The following SGCZ variants were observed in gnomAD, a reference collection of about 807,000 sequenced individuals.
SGCZ encodes sarcoglycan zeta, also known as zeta-sarcoglycan.
Under a neutral mutation model 41.3 loss-of-function variants are expected in SGCZ, and 40 were observed. The observed-to-expected ratio is 0.97, with a 90% CI of 0.75 to 1.26. The LOEUF (loss-of-function observed/expected upper bound fraction) is 1.26, where lower values mean the gene tolerates loss of function less well. SGCZ is among the 50% of genes most tolerant of loss of function. SGCZ has a pLI of 0.00. For missense variants in SGCZ, 552 were observed against 369.8 expected (o/e 1.49, Z -4.04); for synonymous variants, 206 against 137.5 (o/e 1.50, Z -3.49).
At chr8:14,348,809 T>C (rs1448533262) in intron 2 of SGCZ, among the ~76,000 whole-genome samples, 1 of 152,192 alleles carries the variant, frequency 6.6e-6, no homozygotes, top group Non-Finnish European at 1.5e-5. Flanking sequence ...AGTACTGCTT[T>C]TTCTCAACCA....
chr8:14,934,959 G>C (rs1213300791), intron 1 of SGCZ, among the ~76,000 whole-genome samples: 1 of 146,526 alleles, frequency 6.8e-6, no homozygotes, highest in African/African-American at 2.5e-5. Context: ...CCTCAACTTA[G>C]AGTTATTCAG....
At chr8:14,227,669 T>C (rs899408139) in intron 4 of SGCZ, among the ~76,000 whole-genome samples, 11 of 152,066 alleles carry the variant, frequency 7.2e-5, no homozygotes, top group Admixed American at 1.3e-4. Flanking sequence ...GAGATTTGGG[T>C]AATACTGTTT....
At chr8:14,804,603 T>C (rs1182725618) in intron 1 of SGCZ, among the ~76,000 whole-genome samples, 10 of 144,992 alleles carry the variant, frequency 6.9e-5, no homozygotes, top group Admixed American at 3.5e-4. Flanking sequence ...CTACGTCTGA[T>C]TGGTGTACCT....
chr8:14,626,494 C>T (rs527299093), intron 1 of SGCZ, among the ~76,000 whole-genome samples: 1 of 151,998 alleles, frequency 6.6e-6, no homozygotes, highest in African/African-American at 2.4e-5. Flanking sequence ...AGTTCTAAAC[C>T]CTAGTTCTTC....
intron 3 of SGCZ, among the ~76,000 whole-genome samples, chr8:14,270,658 G>A (rs530777626): frequency 2.0e-4 from 31 of 152,206 alleles, no homozygotes; most frequent in African/African-American, 7.2e-4. Flanking sequence ...AAATGTGAAT[G>A]TATGCAATAC....
chr8:14,944,778 G>T (rs1800386769), intron 1 of SGCZ, among the ~76,000 whole-genome samples: 1 of 152,076 alleles, frequency 6.6e-6, no homozygotes, highest in Admixed American at 6.6e-5. Flanking sequence ...TGGGTTTATT[G>T]AGACTTGACC....
chr8:14,138,398 A>G (rs1417598421), intron 5 of SGCZ, among the ~76,000 whole-genome samples: 1 of 152,178 alleles, frequency 6.6e-6, no homozygotes, highest in Non-Finnish European at 1.5e-5. Context: ...GTCAAACTGG[A>G]TAAAGAGTCA....
chr8:14,595,711 A>C (rs914205432), intron 1 of SGCZ, among the ~76,000 whole-genome samples: 5 of 152,210 alleles, frequency 3.3e-5, no homozygotes, highest in African/African-American at 1.2e-4. Context: ...TGTCCTTGGT[A>C]GAATGCCTTC....
At position 14,608,843 on chromosome 8, in the gene SGCZ, T is replaced by A. The variant is rs191478709; in HGVS notation, c.40-53917A>T. 3.1e-3 allele frequency among the ~76,000 whole-genome samples: 470 copies of A among 152,128 alleles called. 2 individuals are homozygous for A. The highest frequency in any genetic ancestry group is 0.011 in the African/African-American group (439 of 41,506). Reference sequence around the variant, plus strand: ...CGGCAAGTGTATCATTTTAAGCTTTTGAAAAAAAATGACAAAAAAAAGGTC... The same window carrying A: ...CGGCAAGTGTATCATTTTAAGCTTTAGAAAAAAAATGACAAAAAAAAGGTC... On this transcript the variant is annotated intron_variant, in intron 1 of 7. Transcript: ENST00000382080.
chr8:14,520,528 G>C (rs1473243686), intron 2 of SGCZ, among the ~76,000 whole-genome samples: 1 of 152,026 alleles, frequency 6.6e-6, no homozygotes, highest in Non-Finnish European at 1.5e-5. Flanking sequence ...AATTCTGCAA[G>C]GGAAATAATA....
At chr8:14,401,125 T>C (rs1005134343) in intron 2 of SGCZ, among the ~76,000 whole-genome samples, 5 of 152,136 alleles carry the variant, frequency 3.3e-5, no homozygotes, top group Admixed American at 1.3e-4. Context: ...TTTACACTTG[T>C]AACAGGCAAC....
intron 1 of SGCZ, among the ~76,000 whole-genome samples, chr8:15,147,439 C>T (rs1211889634): frequency 2.0e-5 from 3 of 152,190 alleles, no homozygotes; most frequent in Middle Eastern, 3.4e-3. Flanking sequence ...CCACCATGCC[C>T]GGCTAATTTT....
intron 4 of SGCZ, among the ~76,000 whole-genome samples, chr8:14,181,166 G>T (rs574534707): frequency 1.3e-5 from 2 of 152,192 alleles, no homozygotes; most frequent in African/African-American, 2.4e-5. Flanking sequence ...TTACAAAAAT[G>T]GATACATTTA....
chr8:14,552,890 A>G (rs893160756), intron 2 of SGCZ, among the ~76,000 whole-genome samples: 1 of 152,102 alleles, frequency 6.6e-6, no homozygotes, highest in Non-Finnish European at 1.5e-5. Flanking sequence ...GAAGGAATCA[A>G]TGCTCCCTGA....
chr8:14,252,420 A>T (rs1414866597), intron 3 of SGCZ, among the ~76,000 whole-genome samples: 2 of 152,086 alleles, frequency 1.3e-5, no homozygotes, highest in Admixed American at 1.3e-4. Flanking sequence ...ATATAATTTT[A>T]ATATTCTGTA....
intron 5 of SGCZ, among the ~76,000 whole-genome samples, chr8:14,137,004 G>A (rs939248608): frequency 1.3e-5 from 2 of 152,194 alleles, no homozygotes; most frequent in Non-Finnish European, 2.9e-5. Flanking sequence ...CTGTTCTGCA[G>A]CCTCTACTGG....
At chr8:15,088,291 T>C (rs985867050) in intron 1 of SGCZ, among the ~76,000 whole-genome samples, 1 of 152,168 alleles carries the variant, frequency 6.6e-6, no homozygotes, top group Admixed American at 6.6e-5. Flanking sequence ...GACATAAGAA[T>C]ATGTCCTTTA....
intron 1 of SGCZ, among the ~76,000 whole-genome samples, chr8:15,047,969 C>A (rs1016135681): frequency 3.9e-5 from 6 of 151,944 alleles, no homozygotes; most frequent in African/African-American, 1.4e-4. Flanking sequence ...TATGATCCAG[C>A]AACCCCACTA....
At chr8:14,395,984 T>C (rs1258962192) in intron 2 of SGCZ, among the ~76,000 whole-genome samples, 1 of 152,208 alleles carries the variant, frequency 6.6e-6, no homozygotes, top group Non-Finnish European at 1.5e-5. Flanking sequence ...ATCATTTACA[T>C]CTAATGTATC....
Sources: gnomAD v4.1 joint callset for allele counts (sites outside exome capture counted in the v4.1 genomes callset) on GRCh38, gnomAD v4.1.1 for gene constraint, MANE v1.5 for transcripts, NCBI Gene and HGNC (gene_info 2026-07-23, HGNC 2026-07-21) for gene names.